Variants in CSMD1 observed in about 807,000 individuals in gnomAD.
CSMD1 encodes CUB and sushi domain-containing protein 1.
In CSMD1, 213 loss-of-function variants were observed where a neutral mutation model predicts 417.5. The observed-to-expected ratio is 0.51, with a 90% CI of 0.46 to 0.57. CSMD1 has a LOEUF of 0.57. Among genes scored for constraint, CSMD1 ranks in the 20% least tolerant of loss-of-function variants. The pLI is 0.00. For synonymous variants in CSMD1, 2,862 were observed against 1,736.8 expected, an observed-to-expected ratio of 1.65 and a Z score of -16.11; for missense variants, 6,923 against 4,529.7, an observed-to-expected ratio of 1.53 and a Z score of -15.17.
At chr8:4,222,749 C>T (rs540508440) in intron 3 of CSMD1, among the ~76,000 whole-genome samples, 1 of 152,152 alleles carries the variant, frequency 6.6e-6, no homozygotes, top group African/African-American at 2.4e-5. Context: ...TCTTTCTGCC[C>T]AGATGGAGGT....
chr8:3,495,343 T>C (rs1796319523), intron 10 of CSMD1, among the ~76,000 whole-genome samples: 1 of 152,200 alleles, frequency 6.6e-6, no homozygotes, highest in African/African-American at 2.4e-5. Flanking sequence ...TTTAAAGTTC[T>C]GGTGGGAAGC....
intron 1 of CSMD1, chr8:4,788,709 A>G (rs1478337336): frequency 2.0e-6 from 1 of 508,074 alleles, no homozygotes; most frequent in East Asian, 2.9e-5. Flanking sequence ...GTATTAGTGA[A>G]TCAATGCTTC....
chr8:3,306,826 CT>C, intron 25 of CSMD1, among the ~76,000 whole-genome samples: 1 of 27,600 alleles, frequency 3.6e-5, no homozygotes, highest in African/African-American at 1.4e-4. Flanking sequence ...TCACCAAGAG[CT>C]TACTTTAAAA....
intron 11 of CSMD1, among the ~76,000 whole-genome samples, chr8:3,475,832 G>C (rs957315369): frequency 6.6e-6 from 1 of 152,206 alleles, no homozygotes; most frequent in African/African-American, 2.4e-5. Context: ...CACTTTGTGA[G>C]TACCTTTAAC....
At chr8:4,189,405 C>A (rs1161180285) in intron 3 of CSMD1, among the ~76,000 whole-genome samples, 1 of 152,080 alleles carries the variant, frequency 6.6e-6, no homozygotes, top group African/African-American at 2.4e-5. Context: ...TAAAAGTTTG[C>A]CTTTGTTATT....
chr8:4,918,373 T>C (rs1258793903), intron 1 of CSMD1, among the ~76,000 whole-genome samples: 1 of 152,222 alleles, frequency 6.6e-6, no homozygotes, highest in African/African-American at 2.4e-5. Context: ...GAAAGGTGGG[T>C]GTTCCTCCCA....
At chr8:4,902,411 C>A (rs752986343) in intron 1 of CSMD1, among the ~76,000 whole-genome samples, 2 of 142,512 alleles carry the variant, frequency 1.4e-5, no homozygotes, top group African/African-American at 5.1e-5. Flanking sequence ...AGCAACAGAA[C>A]AAGAACCCAT....
intron 3 of CSMD1, among the ~76,000 whole-genome samples, chr8:4,328,364 G>A (rs1352567615): frequency 3.3e-5 from 5 of 149,746 alleles, no homozygotes; most frequent in Non-Finnish European, 5.9e-5. Context: ...GTGCACATAA[G>A]CTATGGAGGC....
At chr8:4,557,017 C>T (rs866945707) in intron 2 of CSMD1, among the ~76,000 whole-genome samples, 2 of 152,164 alleles carry the variant, frequency 1.3e-5, no homozygotes, top group Non-Finnish European at 2.9e-5. Flanking sequence ...GATTAAGCAA[C>T]ATTTTTCAAG....
At chr8:4,428,446 G>C (rs369164273) in intron 2 of CSMD1, among the ~76,000 whole-genome samples, 1 of 152,152 alleles carries the variant, frequency 6.6e-6, no homozygotes, top group African/African-American at 2.4e-5. Context: ...TATGGAAATG[G>C]TTTTTCACAT....
intron 5 of CSMD1, among the ~76,000 whole-genome samples, chr8:3,944,757 C>G (rs1459345854): frequency 6.6e-6 from 1 of 152,046 alleles, no homozygotes; most frequent in African/African-American, 2.4e-5. Context: ...AAACTATACT[C>G]TCAACTCTTT....
intron 1 of CSMD1, among the ~76,000 whole-genome samples, chr8:4,721,487 G>T (rs1294053317): frequency 6.6e-6 from 1 of 151,930 alleles, no homozygotes; most frequent in Non-Finnish European, 1.5e-5. Context: ...TTATCACCAG[G>T]GATATACAAA....
intron 3 of CSMD1, among the ~76,000 whole-genome samples, chr8:4,269,374 A>T (rs912218100): frequency 6.6e-6 from 1 of 152,034 alleles, no homozygotes; most frequent in Non-Finnish European, 1.5e-5. Context: ...CTCCATTTTC[A>T]TCTTCATTGT....
rs184273574 is a variant in CSMD1, at chr8:4,497,554, G to C, written c.303-77489C>G. On this transcript the variant is annotated intron_variant, in intron 2 of 69. Coordinates refer to ENST00000635120, the MANE Select transcript of CSMD1 (RefSeq NM_033225.6). ...TATAGTAGCTCCACTGAGGAGCAGGGAGGAAAGACGGATGAGTGGAGTACA... is the reference window on the plus strand; with the variant it reads ...TATAGTAGCTCCACTGAGGAGCAGGCAGGAAAGACGGATGAGTGGAGTACA... Among the ~76,000 whole-genome samples, 323 of 152,322 alleles carry C rather than the reference G, an allele frequency of 2.1e-3. 1 individual carries two copies. The highest frequency in any genetic ancestry group is 7.5e-3 in the African/African-American group (313 of 41,562).
At chr8:3,107,684 T>G in intron 45 of CSMD1, 34 bp downstream of exon 45, 4 of 1,234,550 alleles carry the variant, frequency 3.2e-6, no homozygotes, top group Non-Finnish European at 4.7e-6. Flanking sequence ...AATGTCGTGC[T>G]GAATTCATGG....
At chr8:4,116,998 G>C (rs929258539) in intron 3 of CSMD1, among the ~76,000 whole-genome samples, 2 of 151,984 alleles carry the variant, frequency 1.3e-5, no homozygotes, top group Non-Finnish European at 1.5e-5. Context: ...TCTTCAGTAA[G>C]ATGGCCTGAC....
chr8:4,226,734 A>C (rs551614416), intron 3 of CSMD1, among the ~76,000 whole-genome samples: 48 of 152,338 alleles, frequency 3.2e-4, no homozygotes, highest in African/African-American at 1.2e-3. Context: ...GTTTTTAATA[A>C]TCAGTTAACC....
At chr8:3,434,449 T>A (rs529119523) in intron 12 of CSMD1, among the ~76,000 whole-genome samples, 1 of 152,358 alleles carries the variant, frequency 6.6e-6, no homozygotes, top group African/African-American at 2.4e-5. Context: ...CAAGCCTATA[T>A]TAAAGAAAAT....
intron 1 of CSMD1, among the ~76,000 whole-genome samples, chr8:4,742,263 C>A (rs897945295): frequency 1.3e-5 from 2 of 151,442 alleles, no homozygotes. Context: ...ATCTCCTGAC[C>A]TCATGATCCA....
Sources: gnomAD v4.1 joint callset for allele counts (sites outside exome capture counted in the v4.1 genomes callset) on GRCh38, gnomAD v4.1.1 for gene constraint, MANE v1.5 for transcripts, NCBI Gene and HGNC (gene_info 2026-07-23, HGNC 2026-07-21) for gene names.